OCA2: variants seen among roughly 807,000 people sequenced by gnomAD.
OCA2 encodes OCA2 melanosomal transmembrane protein.
A neutral mutation model predicts 100.2 loss-of-function variants in OCA2; 77 were observed. The ratio of observed to expected loss-of-function variants is 0.77; its 90% CI spans 0.64 to 0.93. The LOEUF is 0.93. Ranked by LOEUF, OCA2 falls within the 40% of genes least tolerant of loss-of-function variation. The probability of loss-of-function intolerance (pLI) is 0.00; values close to 1 mark genes in which losing one functional copy is unlikely to be tolerated. For synonymous variants in OCA2, 432 were observed against 439.2 expected (o/e 0.98, Z 0.21); for missense variants, 1,062 against 1,089.1 (o/e 0.98, Z 0.35).
chr15:27,726,340 T>TAAAA, the OCA2 span, among the ~76,000 whole-genome samples: 57 of 142,520 alleles, frequency 4.0e-4, no homozygotes, highest in East Asian at 5.8e-4. Context: ...AATAAATAAA[T>TAAAA]AAAAATAGTT....
intron 2 of OCA2, among the ~76,000 whole-genome samples, chr15:28,036,886 ACATAGGCACCATTTATGCAGC>A (rs961956882): frequency 1.3e-5 from 2 of 152,176 alleles, no homozygotes; most frequent in Middle Eastern, 3.2e-3. Flanking sequence ...GCCCTGTGCC[ACATAGGCACCATTTATGCAGC>A]CATTGCTGAG....
chr15:28,014,091 C>T (rs747514221), intron 9 of OCA2, among the ~76,000 whole-genome samples: 49 of 152,172 alleles, frequency 3.2e-4, no homozygotes, highest in Non-Finnish European at 4.4e-4. Flanking sequence ...CTCACTAGGA[C>T]GCGCCTCTAA....
At chr15:27,804,684 C>T (rs2033750885) in intron 23 of OCA2, among the ~76,000 whole-genome samples, 1 of 152,132 alleles carries the variant, frequency 6.6e-6, no homozygotes, top group Non-Finnish European at 1.5e-5. Flanking sequence ...GGTGAGTAAA[C>T]TAGAGCCCAG....
the OCA2 span, among the ~76,000 whole-genome samples, chr15:27,722,749 C>CCT: frequency 7.7e-6 from 1 of 129,842 alleles, no homozygotes; most frequent in South Asian, 2.5e-4. Context: ...CTTCTTTCTT[C>CCT]TTCTTTCCTT....
At chr15:27,977,936 C>G (rs756280185) in intron 14 of OCA2, among the ~76,000 whole-genome samples, 1 of 152,168 alleles carries the variant, frequency 6.6e-6, no homozygotes, top group Non-Finnish European at 1.5e-5. Context: ...TCTAGCCTCC[C>G]GACTGTGAGG....
At chr15:28,063,177 T>C (rs1178811097) in intron 2 of OCA2, among the ~76,000 whole-genome samples, 1 of 152,200 alleles carries the variant, frequency 6.6e-6, no homozygotes, top group Non-Finnish European at 1.5e-5. Context: ...TTGTCTCTAG[T>C]AACAATTTTT....
chr15:27,870,719 G>A (rs1381468055), intron 21 of OCA2, among the ~76,000 whole-genome samples: 1 of 105,408 alleles, frequency 9.5e-6, no homozygotes, highest in South Asian at 4.4e-4. Context: ...AAGGAAGGAA[G>A]GAAAGAAGGA....
At chr15:27,861,030 A>G (rs962532132) in intron 21 of OCA2, among the ~76,000 whole-genome samples, 1 of 152,204 alleles carries the variant, frequency 6.6e-6, no homozygotes, top group South Asian at 2.1e-4. Context: ...AACAAAAGGA[A>G]GAATTTGGAA....
intron 22 of OCA2, among the ~76,000 whole-genome samples, 159 bp from the exon 23 acceptor site, chr15:27,845,211 G>T (rs931232289): frequency 1.3e-5 from 2 of 152,000 alleles, no homozygotes; most frequent in African/African-American, 4.8e-5. Context: ...ACACACACAC[G>T]CAAGCAAGCA....
intron 3 of OCA2, 62 bp downstream of exon 3, chr15:28,032,003 C>T: frequency 1.4e-5 from 17 of 1,256,724 alleles, no homozygotes; most frequent in Non-Finnish European, 1.8e-5. Context: ...AGTTCTCCAG[C>T]ATACATGCCA....
chr15:28,044,480 G>A lies in OCA2; in HGVS notation c.228-12317C>T, dbSNP rs1312049438. 2.0e-5 allele frequency among the ~76,000 whole-genome samples: 3 copies of A among 152,228 alleles called. No individual in the cohort carries two copies. The East Asian group carries it at 5.8e-4, about 29-fold the overall frequency. On this transcript the variant is annotated intron_variant, in intron 2 of 23. Coordinates refer to ENST00000354638, the MANE Select transcript of OCA2 (RefSeq NM_000275.3). ...CCTGGCATGGACCTGACACATACAC[G>A]GCCTGGAGACTCGTCACAGTGAATA...
At chr15:28,035,206 T>C (rs1455903882) in intron 2 of OCA2, among the ~76,000 whole-genome samples, 1 of 152,214 alleles carries the variant, frequency 6.6e-6, no homozygotes, top group African/African-American at 2.4e-5. Context: ...ACTTTGTGTA[T>C]ACAAAGTATT....
chr15:27,732,011 G>A, the OCA2 span, among the ~76,000 whole-genome samples: 1 of 152,216 alleles, frequency 6.6e-6, no homozygotes, highest in South Asian at 2.1e-4. Flanking sequence ...GGTCTGACAG[G>A]ATCTCTTGAC....
chr15:27,956,707 C>T (rs927813938), intron 16 of OCA2, among the ~76,000 whole-genome samples: 4 of 152,230 alleles, frequency 2.6e-5, no homozygotes, highest in Non-Finnish European at 5.9e-5. Context: ...GGTCCTGCTG[C>T]TCCAGCATTA....
At chr15:27,918,143 G>A (rs1034953745) in intron 19 of OCA2, among the ~76,000 whole-genome samples, 1 of 142,730 alleles carries the variant, frequency 7.0e-6, no homozygotes, top group Non-Finnish European at 1.5e-5. Context: ...ACCTAGGCTG[G>A]AATGCAGTGG....
At chr15:28,027,220 C>T (rs1053985716) in intron 4 of OCA2, among the ~76,000 whole-genome samples, 1 of 152,238 alleles carries the variant, frequency 6.6e-6, no homozygotes, top group Non-Finnish European at 1.5e-5. Flanking sequence ...CCTAGGCCTA[C>T]ACACGCATGC....
chr15:27,799,274 A>G (rs985524349), intron 23 of OCA2, among the ~76,000 whole-genome samples: 2 of 152,210 alleles, frequency 1.3e-5, no homozygotes, highest in Admixed American at 1.3e-4. Context: ...CCCTGGGCAC[A>G]CAGCAGTGAA....
chr15:27,972,400 T>G (rs891802792), intron 14 of OCA2, among the ~76,000 whole-genome samples: 2 of 152,248 alleles, frequency 1.3e-5, no homozygotes, highest in Non-Finnish European at 2.9e-5. Flanking sequence ...GTAGATATAC[T>G]TTTAGTTCAT....
At chr15:27,932,782 A>G (rs1202946269) in intron 18 of OCA2, among the ~76,000 whole-genome samples, 1 of 152,230 alleles carries the variant, frequency 6.6e-6, no homozygotes, top group Non-Finnish European at 1.5e-5. Flanking sequence ...GATTCCAGTG[A>G]CCATACATGA....
Sources: allele counts gnomAD v4.1 joint callset (sites outside exome capture counted in the v4.1 genomes callset), GRCh38; gene constraint gnomAD v4.1.1; transcripts MANE v1.5; gene names NCBI Gene and HGNC (gene_info 2026-07-23, HGNC 2026-07-21).